Variants in MBNL2 observed in about 807,000 individuals in gnomAD.
The protein encoded by MBNL2 is muscleblind like splicing regulator 2, also known as muscleblind-like protein 2.
Under a neutral mutation model 41.9 loss-of-function variants are expected in MBNL2, and 17 were observed. That is an observed-to-expected ratio of 0.41 (90% CI 0.28 to 0.61). The LOEUF (loss-of-function observed/expected upper bound fraction) is 0.61. MBNL2 is among the 20% of genes least tolerant of loss of function. The pLI is 0.35. For synonymous variants in MBNL2, 195 were observed against 182.9 expected (o/e 1.07, Z -0.53); for missense variants, 336 against 505.6 (o/e 0.66, Z 3.22).
chr13:97,274,364 T>C (rs117046835), intron 1 of MBNL2, among the ~76,000 whole-genome samples: 3,650 of 151,944 alleles, frequency 0.024, 66 homozygotes, highest in Non-Finnish European at 0.041. Context: ...AGGCGTGGTG[T>C]CAGACACCTG....
the MBNL2 span, among the ~76,000 whole-genome samples, chr13:97,158,872 G>C: frequency 6.6e-6 from 1 of 151,820 alleles, no homozygotes; most frequent in Non-Finnish European, 1.5e-5. Context: ...TGTATATTCT[G>C]TTGATTTGGG....
chr13:97,180,758 A>C, the MBNL2 span, among the ~76,000 whole-genome samples: 1 of 140,122 alleles, frequency 7.1e-6, no homozygotes, highest in Admixed American at 7.1e-5. Context: ...AAAAAAAAAA[A>C]AAAAAACATG....
At chr13:97,153,067 G>A in the MBNL2 span, among the ~76,000 whole-genome samples, 2 of 152,130 alleles carry the variant, frequency 1.3e-5, 1 homozygote, top group Non-Finnish European at 2.9e-5. Flanking sequence ...TGTACAATTA[G>A]CAATTGGCAC....
At chr13:97,287,150 A>G (rs1249689426) in intron 2 of MBNL2, among the ~76,000 whole-genome samples, 1 of 152,162 alleles carries the variant, frequency 6.6e-6, no homozygotes, top group Non-Finnish European at 1.5e-5. Context: ...TTACAACTCG[A>G]AAGGTGTGGC....
chr13:97,148,613 G>A, the MBNL2 span, among the ~76,000 whole-genome samples: 2 of 151,968 alleles, frequency 1.3e-5, no homozygotes, highest in African/African-American at 4.8e-5. Flanking sequence ...GCTGTGAAAC[G>A]AAAACTACTC....
chr13:97,146,051 C>A, the MBNL2 span, among the ~76,000 whole-genome samples: 2 of 151,940 alleles, frequency 1.3e-5, no homozygotes, highest in South Asian at 4.2e-4. Flanking sequence ...TGGTGTGTGG[C>A]ATGACCTTGG....
intron 1 of MBNL2, among the ~76,000 whole-genome samples, chr13:97,253,439 T>C (rs1235107153): frequency 6.6e-6 from 1 of 152,190 alleles, no homozygotes; most frequent in African/African-American, 2.4e-5. Context: ...TGTATATACT[T>C]ATTAAGTTCT....
At chr13:97,184,074 C>G in the MBNL2 span, among the ~76,000 whole-genome samples, 1 of 152,172 alleles carries the variant, frequency 6.6e-6, no homozygotes, top group Non-Finnish European at 1.5e-5. Context: ...TGATCCAAAC[C>G]ATGGGTTTTA....
At chr13:97,287,721 CTTTTTT>C (rs768809008) in intron 2 of MBNL2, among the ~76,000 whole-genome samples, 13 of 114,900 alleles carry the variant, frequency 1.1e-4, no homozygotes, top group South Asian at 7.9e-4. Context: ...CTTTTCTTTT[CTTTTTT>C]TTTTTTTTTT....
chr13:97,287,726 T>C (rs1416402146), intron 2 of MBNL2, among the ~76,000 whole-genome samples: 37 of 110,914 alleles, frequency 3.3e-4, no homozygotes, highest in Middle Eastern at 8.1e-3. Flanking sequence ...CTTTTCTTTT[T>C]TTTTTTTTTT....
At chr13:97,197,482 C>G in the MBNL2 span, among the ~76,000 whole-genome samples, 1 of 152,186 alleles carries the variant, frequency 6.6e-6, no homozygotes, top group Admixed American at 6.5e-5. Flanking sequence ...GATAATCTCT[C>G]AAAGTTCTCT....
At chr13:97,162,830 G>T in the MBNL2 span, among the ~76,000 whole-genome samples, 3 of 152,130 alleles carry the variant, frequency 2.0e-5, no homozygotes, top group Admixed American at 6.6e-5. Flanking sequence ...GTTTATTTTT[G>T]AATGACTAGC....
intron 8 of MBNL2, among the ~76,000 whole-genome samples, chr13:97,390,577 C>T (rs2066320498): frequency 6.6e-6 from 1 of 152,256 alleles, no homozygotes; most frequent in South Asian, 2.1e-4. Flanking sequence ...ACCACACGGG[C>T]CAAGTTCCTT....
In MBNL2 at chr13:97,366,883, C is replaced by A. The variant is rs903398366; in HGVS notation, c.1048+1712C>A. On this transcript the variant is annotated intron_variant, in intron 8 of 8. Coordinates refer to ENST00000679496, the MANE Select transcript of MBNL2 (RefSeq NM_001382683.1). The surrounding 1 kb of genome is among the most constrained non-coding windows in gnomAD (Gnocchi z 4.7). ...GCCACATAAAAATTGTAGACGCGCA[C>A]CCATGGGTGCTTCAAAACTGGCTAT... 4.6e-5 allele frequency among the ~76,000 whole-genome samples: 7 copies of A among 152,084 alleles called. No individual in the cohort carries two copies. Among genetic ancestry groups the A allele is most frequent in the Non-Finnish European group, 7.4e-5 (5 of 68,026 alleles).
chr13:97,299,523 C>G (rs922358124), intron 2 of MBNL2, among the ~76,000 whole-genome samples: 2 of 152,160 alleles, frequency 1.3e-5, no homozygotes, highest in Admixed American at 1.3e-4. Flanking sequence ...TAGAGAAATA[C>G]TTGTGCATTT....
chr13:97,200,168 C>G, the MBNL2 span, among the ~76,000 whole-genome samples: 1 of 152,244 alleles, frequency 6.6e-6, no homozygotes. Context: ...GATGCTGGTA[C>G]CTTTCAGCAC....
At chr13:97,291,775 A>G (rs2056051279) in intron 2 of MBNL2, among the ~76,000 whole-genome samples, 1 of 151,554 alleles carries the variant, frequency 6.6e-6, no homozygotes, top group African/African-American at 2.4e-5. Context: ...TGCACCTGTA[A>G]TCCCAGCTAC....
intron 7 of MBNL2, among the ~76,000 whole-genome samples, chr13:97,362,457 A>G (rs1285290129): frequency 6.6e-6 from 1 of 152,160 alleles, no homozygotes. Flanking sequence ...GGAAGATGAA[A>G]AGAGTGGGGT....
At chr13:97,161,472 T>C in the MBNL2 span, among the ~76,000 whole-genome samples, 4 of 152,194 alleles carry the variant, frequency 2.6e-5, no homozygotes, top group South Asian at 8.3e-4. Flanking sequence ...CTAGTGACTT[T>C]TACTGTAGTG....
Sources: gnomAD v4.1 joint callset for allele counts (sites outside exome capture counted in the v4.1 genomes callset) on GRCh38, gnomAD v4.1.1 for gene constraint, Gnocchi (gnomAD v3.1) non-coding constraint, MANE v1.5 for transcripts, NCBI Gene and HGNC (gene_info 2026-07-23, HGNC 2026-07-21) for gene names.